The following SLC43A1 variants were observed in gnomAD, a reference collection of about 807,000 sequenced individuals.
SLC43A1 encodes the protein large neutral amino acids transporter small subunit 3.
SLC43A1 carries 31 observed loss-of-function variants against 59.5 expected under a neutral mutation model. The ratio of observed to expected loss-of-function variants is 0.52; its 90% CI spans 0.39 to 0.70. The LOEUF is 0.70. SLC43A1 is among the 30% of genes least tolerant of loss of function. The pLI is 0.00. For missense variants in SLC43A1, 598 were observed against 717.8 expected (o/e 0.83, Z 1.91); for synonymous variants, 259 against 290.9 (o/e 0.89, Z 1.12).
intron 5 of SLC43A1, among the ~76,000 whole-genome samples, chr11:57,498,882 C>T (rs1295732660): frequency 6.6e-6 from 1 of 152,134 alleles, no homozygotes; most frequent in African/African-American, 2.4e-5. Flanking sequence ...GGATGCCCTT[C>T]GCACACACCC....
In SLC43A1 at chr11:57,489,007, G is replaced by C. The variant is rs547081389; in HGVS notation, c.1336-18C>G. The stretch of plus-strand genomic sequence containing the variant: ...GTCACAAACTAAAACCAAAAAGAGA[G>C]AGTGAAGAGGTTAGGAGAGTGTGTG... On this transcript the variant is annotated intron_variant, in intron 12 of 14. Coordinates refer to ENST00000278426, the MANE Select transcript of SLC43A1 (RefSeq NM_003627.6). 19 of 1,611,608 alleles carry C rather than the reference G, an allele frequency of 1.2e-5. No individual in the cohort carries two copies. The East Asian group carries it at 4.0e-4, about 34-fold the overall frequency.
intron 7 of SLC43A1, among the ~76,000 whole-genome samples, chr11:57,495,650 C>T (rs2135173177): frequency 6.6e-6 from 1 of 152,124 alleles, no homozygotes; most frequent in East Asian, 1.9e-4. Context: ...ACACAGTAAG[C>T]CCTGTCTCTA....
rs1433217476 is a variant in SLC43A1, at chr11:57,484,990, G to A, written c.*106C>T. 8.0e-7 allele frequency: 1 copy of A among 1,249,924 alleles called. No individual in the cohort carries two copies. The highest frequency in any genetic ancestry group is 1.5e-5 in the African/African-American group (1 of 66,636). 77.4% of individuals were successfully genotyped at this position (1,249,924 alleles called of 1,614,324 possible). On this transcript the variant is annotated 3_prime_UTR_variant, in exon 15 of 15. Transcript: ENST00000278426. ...TTCTCTTGGTATTTATAAATCTACGGCCATGGCTCTATGTGCATGTTACAG... is the reference window on the plus strand; with the variant it reads ...TTCTCTTGGTATTTATAAATCTACGACCATGGCTCTATGTGCATGTTACAG...
Position 57,489,279 on chromosome 11 carries a change from G to C in SLC43A1, c.1307C>G (p.Thr436Ser). ...GAGGTGTAAGTTGTTGATGAGACAG[G>C]TGATGCCAAAACCCACAAGCAGCAG... ...TNLLLVGFGI[T>S]CLINNLHLQF... Residue 436 changes from threonine (T) to serine (S), a missense_variant, in exon 12 of 15, where the codon ACC (threonine) becomes AGC (serine). Physicochemically the swap from Thr to Ser is moderately conservative, Grantham distance 58. Coordinates refer to ENST00000278426, the MANE Select transcript of SLC43A1 (RefSeq NM_003627.6). The C allele has an allele frequency of 6.2e-7, 1 of 1,614,176 alleles. No individual in the cohort carries two copies. The highest frequency in any genetic ancestry group is 1.6e-4 in the Middle Eastern group (1 of 6,062).
At chr11:57,508,330 C>T (rs992406572) in intron 2 of SLC43A1, among the ~76,000 whole-genome samples, 1 of 151,878 alleles carries the variant, frequency 6.6e-6, no homozygotes, top group African/African-American at 2.4e-5. Flanking sequence ...AATCACCCAA[C>T]AGCACATAGC....
intron 2 of SLC43A1, among the ~76,000 whole-genome samples, chr11:57,505,363 T>C (rs529561002): frequency 9.8e-4 from 149 of 152,090 alleles, no homozygotes; most frequent in African/African-American, 3.5e-3. Context: ...AATACAAACA[T>C]TAGCCGGGTG....
chr11:57,488,841 C>T, intron 13 of SLC43A1, 75 bp downstream of exon 13: 1 of 1,288,164 alleles, frequency 7.8e-7, no homozygotes, highest in Non-Finnish European at 1.1e-6. Flanking sequence ...TGCCTGGGGC[C>T]CTCCCAACCC....
At position 57,484,684 on chromosome 11, in the gene SLC43A1, CTG is replaced by C. The variant is rs1943677900; in HGVS notation, c.*410_*411del. 1.3e-5 allele frequency: 2 copies of C among 154,774 alleles called. No homozygotes were observed. Among genetic ancestry groups the C allele is most frequent in the Admixed American group, 1.3e-4 (2 of 15,620 alleles). The allele number at this position is 154,774 out of a possible 1,614,324, so 9.6% of individuals were successfully genotyped here. On this transcript the variant is annotated 3_prime_UTR_variant, in exon 15 of 15. Transcript: ENST00000278426. ...GGCCCCTTTCCTTCTGAAAGGAGGGCTGTGTCTCTCTCACATTCACACATACA... is the reference window on the plus strand; with the variant it reads ...GGCCCCTTTCCTTCTGAAAGGAGGGCTGTCTCTCTCACATTCACACATACA...
At chr11:57,488,413 T>C (rs1943804960) in intron 13 of SLC43A1, among the ~76,000 whole-genome samples, 4 of 152,150 alleles carry the variant, frequency 2.6e-5, no homozygotes, top group East Asian at 1.9e-4. Context: ...CAGGGAGTGA[T>C]GGTCAAGGAT....
chr11:57,488,019 T>C (rs938514578), intron 13 of SLC43A1, among the ~76,000 whole-genome samples: 6 of 152,106 alleles, frequency 3.9e-5, no homozygotes, highest in East Asian at 1.9e-4. Flanking sequence ...TTTTAGGCCA[T>C]AGTAAAGCCT....
Position 57,496,129 on chromosome 11 carries a change from G to C in SLC43A1, c.594C>G (p.Ile198Met). ...IYDAGVAFVV[I>M]MFTWSGLACL... ...AGGCCAGGCCAGACCAGGTGAACATGATGACCACGAAGGCCACACCGGCAT... is the reference window on the plus strand; with the variant it reads ...AGGCCAGGCCAGACCAGGTGAACATCATGACCACGAAGGCCACACCGGCAT... The change falls in exon 7 of 15, where the codon ATC (isoleucine) becomes ATG (methionine). Residue 198 changes from isoleucine to methionine, a missense_variant. By Grantham distance (10) the Ile-to-Met change is conservative (BLOSUM62 1). Transcript: ENST00000278426. The C allele has an allele frequency of 6.2e-7, 1 of 1,614,110 alleles. No individual in the cohort carries two copies. The highest frequency in any genetic ancestry group is 8.5e-7 in the Non-Finnish European group (1 of 1,179,992).
Position 57,496,056 on chromosome 11 carries a change from G to A in SLC43A1, c.667C>T (p.Pro223Ser), listed in dbSNP as rs1166541723. ...CTLNWPIEAF[P>S]APEEVNYTKK... ...GTGTAATTGACTTCCTCAGGGGCAGGAAAGGCTTCGATGGGCCAGTTGAGG... is the reference window on the plus strand; with the variant it reads ...GTGTAATTGACTTCCTCAGGGGCAGAAAAGGCTTCGATGGGCCAGTTGAGG... The change falls in exon 7 of 15, where the codon CCT becomes TCT. Residue 223 changes from proline to serine, a missense_variant. Physicochemically the swap from Pro to Ser is moderately conservative, Grantham distance 74. Coordinates refer to ENST00000278426, the MANE Select transcript of SLC43A1 (RefSeq NM_003627.6). The A allele has an allele frequency of 1.2e-6, 2 of 1,614,126 alleles. No homozygotes were observed. Among genetic ancestry groups the A allele is most frequent in the Admixed American group, 1.7e-5 (1 of 60,012 alleles).
chr11:57,491,949 G>T, intron 8 of SLC43A1, 87 bp from the exon 9 acceptor site: 1 of 1,292,760 alleles, frequency 7.7e-7, no homozygotes, highest in Non-Finnish European at 1.1e-6. Flanking sequence ...TGGGGGGAGT[G>T]ACACTAACTA....
chr11:57,513,966 G>A lies in SLC43A1; in HGVS notation c.146C>T (p.Thr49Met), dbSNP rs755349217. The A allele has an allele frequency of 1.3e-6, 1 of 759,542 alleles. No homozygotes were observed. The highest frequency in any genetic ancestry group is 2.1e-6 in the Non-Finnish European group (1 of 481,744). The allele number at this position is 759,542 out of a possible 1,614,324, so 47.1% of individuals were successfully genotyped here. A position where few individuals can be genotyped will look rare whatever the true frequency, so the allele number is the denominator to read the frequency against. ...CCCATTTTCAGGCATACCTGGGCACGTGCTGGAATAGAAGCCCTCGTTCTT... is the reference window on the plus strand; with the variant it reads ...CCCATTTTCAGGCATACCTGGGCACATGCTGGAATAGAAGCCCTCGTTCTT... ...ILKNEGFYSS[T>M]CPAESSTNTT... The change falls in exon 2 of 15, where the codon ACG (threonine) becomes ATG (methionine). Residue 49 changes from threonine (T) to methionine (M), a missense_variant. Coordinates refer to ENST00000278426, the MANE Select transcript of SLC43A1 (RefSeq NM_003627.6).
At chr11:57,500,694 C>G in intron 5 of SLC43A1, 85 bp downstream of exon 5, 1 of 1,176,290 alleles carries the variant, frequency 8.5e-7, no homozygotes, top group Admixed American at 1.8e-5. Context: ...CTCCCCCAGC[C>G]CATTCATACT....
chr11:57,491,838 A>G lies in SLC43A1; in HGVS notation c.896T>C (p.Leu299Pro). Residue 299 changes from leucine to proline, a missense_variant, in exon 9 of 15, where the codon CTC (leucine) becomes CCC (proline). Physicochemically the swap from Leu to Pro is moderately conservative, Grantham distance 98 (BLOSUM62 -3). Coordinates refer to ENST00000278426, the MANE Select transcript of SLC43A1 (RefSeq NM_003627.6). ...PERSVPLRKS[L>P]CSPTFLWSLL... ...GCTCCACAGGAAAGTGGGGGAGCAG[A>G]GGCTCTTGCGTAAGGGGACAGACCC... 6.2e-7 allele frequency: 1 copy of G among 1,614,142 alleles called. No individual in the cohort carries two copies. The highest frequency in any genetic ancestry group is 8.5e-7 in the Non-Finnish European group (1 of 1,180,018).
chr11:57,498,828 CACCTGCCTCAG>C (rs1944166613), intron 5 of SLC43A1, among the ~76,000 whole-genome samples: 1 of 152,178 alleles, frequency 6.6e-6, no homozygotes, highest in Non-Finnish European at 1.5e-5. Context: ...GTGTTCCACT[CACCTGCCTCAG>C]CCAAGCCCTC....
intron 2 of SLC43A1, among the ~76,000 whole-genome samples, chr11:57,511,734 C>T (rs1481944782): frequency 6.6e-6 from 1 of 152,196 alleles, no homozygotes; most frequent in Non-Finnish European, 1.5e-5. Context: ...AGTCCTGATA[C>T]ATGCTACAAG....
intron 5 of SLC43A1, among the ~76,000 whole-genome samples, chr11:57,498,429 A>T (rs1944150292): frequency 6.6e-6 from 1 of 152,092 alleles, no homozygotes; most frequent in South Asian, 2.1e-4. Flanking sequence ...TGACAGAGCG[A>T]GACTATGTCC....
Sources: gnomAD v4.1 joint callset for allele counts (sites outside exome capture counted in the v4.1 genomes callset) on GRCh38, gnomAD v4.1.1 for gene constraint, MANE v1.5 for transcripts, NCBI Gene and HGNC (gene_info 2026-07-23, HGNC 2026-07-21) for gene names.